SAMSN1: variants seen among roughly 807,000 people sequenced by gnomAD.
SAMSN1 encodes the protein SAM domain, SH3 domain and nuclear localization signals 1, also known as SAM domain-containing protein SAMSN-1.
SAMSN1 carries 31 observed loss-of-function variants against 42.0 expected under a neutral mutation model. That is an observed-to-expected ratio of 0.74 (90% CI 0.55 to 1.00). SAMSN1 has a LOEUF of 1.00. Among genes scored for constraint, SAMSN1 ranks in the 50% least tolerant of loss-of-function variants. The pLI is 0.00. For missense variants in SAMSN1, 464 were observed against 439.4 expected (o/e 1.06, Z -0.50); for synonymous variants, 178 against 151.9 (o/e 1.17, Z -1.26).
intron 2 of SAMSN1, among the ~76,000 whole-genome samples, chr21:14,571,320 C>A (rs1320620676): frequency 6.6e-6 from 1 of 152,080 alleles, no homozygotes; most frequent in Non-Finnish European, 1.5e-5. Flanking sequence ...GTATCTTGTG[C>A]CCTGGATAAA....
At chr21:14,549,090 T>C (rs1408317848), upstream of SAMSN1, among the ~76,000 whole-genome samples, 1 of 152,140 alleles carries the variant, frequency 6.6e-6, no homozygotes, top group Non-Finnish European at 1.5e-5. Context: ...ATGACAAAGA[T>C]TGAGGTGTAT....
At chr21:14,498,628 T>A (rs1338767209) in intron 6 of SAMSN1, 36 bp from the exon 7 acceptor site, 2 of 1,486,108 alleles carry the variant, frequency 1.3e-6, no homozygotes, top group African/African-American at 1.4e-5. Context: ...ATTAGTCAGA[T>A]TCAAATATTT....
chr21:14,575,772 G>C (rs1294993585), intron 2 of SAMSN1, among the ~76,000 whole-genome samples: 1 of 152,170 alleles, frequency 6.6e-6, no homozygotes, highest in Non-Finnish European at 1.5e-5. Context: ...CATCACTAAA[G>C]CACAAAGAAA....
At chr21:14,593,361 T>C (rs1456283858) in intron 7 of SAMSN1, among the ~76,000 whole-genome samples, 1 of 152,122 alleles carries the variant, frequency 6.6e-6, no homozygotes, top group Non-Finnish European at 1.5e-5. Flanking sequence ...GGACTTATAG[T>C]TGTTTCATAT....
intron 5 of SAMSN1, among the ~76,000 whole-genome samples, chr21:14,602,309 G>T (rs534028766): frequency 1.3e-5 from 2 of 151,926 alleles, no homozygotes; most frequent in South Asian, 4.2e-4. Flanking sequence ...ACAAAATAGG[G>T]ATGCCGCTGA....
chr21:14,559,461 G>A (rs962093808), intron 2 of SAMSN1, among the ~76,000 whole-genome samples: 4 of 152,098 alleles, frequency 2.6e-5, no homozygotes, highest in African/African-American at 9.7e-5. Context: ...ACTGACTAAT[G>A]TCTTGACTAG....
intron 2 of SAMSN1, among the ~76,000 whole-genome samples, chr21:14,640,471 A>G (rs1983567774): frequency 1.3e-5 from 2 of 148,708 alleles, no homozygotes; most frequent in South Asian, 4.1e-4. Context: ...CAAATGGAAT[A>G]ATATTTTTTT....
At chr21:14,617,654 T>A (rs1338027668) in intron 2 of SAMSN1, among the ~76,000 whole-genome samples, 1 of 152,202 alleles carries the variant, frequency 6.6e-6, no homozygotes, top group East Asian at 1.9e-4. Context: ...AATGTTGCCG[T>A]CTTCAAAATA....
intron 5 of SAMSN1, among the ~76,000 whole-genome samples, chr21:14,602,612 A>G (rs540877602): frequency 4.5e-4 from 69 of 152,340 alleles, no homozygotes; most frequent in African/African-American, 1.7e-3. Context: ...AAACCTTTTC[A>G]AATGCAGCAG....
At position 14,648,256 on chromosome 21, in the gene SAMSN1, C is replaced by A. The variant is rs78700308; in HGVS notation, c.25-5123G>T. ...ACTGGATCCCTTCCTTACACCTTAT[C>A]CAAAAATCAATTCAAGATGGATTAA... On this transcript the variant is annotated intron_variant, in intron 1 of 15. Coordinates refer to the SAMSN1 transcript ENST00000647101. 1.4e-3 allele frequency among the ~76,000 whole-genome samples: 210 copies of A among 151,562 alleles called. 1 individual carries two copies. Among genetic ancestry groups the A allele is most frequent in the South Asian group, 1.5e-3 (7 of 4,818 alleles).
At chr21:14,607,540 C>T (rs2123315614) in intron 5 of SAMSN1, among the ~76,000 whole-genome samples, 1 of 152,310 alleles carries the variant, frequency 6.6e-6, no homozygotes, top group Non-Finnish European at 1.5e-5. Context: ...CTTGGACACA[C>T]ACATGCACAC....
chr21:14,545,061 G>A (rs567337365), intron 1 of SAMSN1, among the ~76,000 whole-genome samples: 9 of 152,098 alleles, frequency 5.9e-5, no homozygotes, highest in Admixed American at 1.3e-4. Context: ...ATCATGATAC[G>A]TTATCTAGCT....
chr21:14,629,937 T>G (rs1205403756), intron 2 of SAMSN1, among the ~76,000 whole-genome samples: 1 of 152,140 alleles, frequency 6.6e-6, no homozygotes, highest in Non-Finnish European at 1.5e-5. Flanking sequence ...ATTTATAAAA[T>G]TATATTTACA....
Position 14,565,305 on chromosome 21 carries a change from A to T in SAMSN1, c.261+16831T>A, listed in dbSNP as rs186912697. On this transcript the variant is annotated intron_variant, in intron 2 of 8. Coordinates refer to the SAMSN1 transcript ENST00000285670. ...TCTATCCAAAAAAAAAAAAAAAAAC[A>T]TGTTTTGGTTTGTATACCTCACAGA... 2.2e-3 allele frequency among the ~76,000 whole-genome samples: 328 copies of T among 147,338 alleles called. 1 individual carries two copies. Among genetic ancestry groups the T allele is most frequent in the Non-Finnish European group, 3.6e-3 (242 of 66,604 alleles).
chr21:14,526,360 C>G (rs2822736), intron 1 of SAMSN1, among the ~76,000 whole-genome samples: 42,222 of 152,088 alleles, frequency 0.28, 6,903 homozygotes, highest in South Asian at 0.35. Context: ...GCAATCACAT[C>G]GTGCAGTTAA....
At chr21:14,617,265 C>T (rs777804275) in intron 2 of SAMSN1, among the ~76,000 whole-genome samples, 2 of 152,144 alleles carry the variant, frequency 1.3e-5, no homozygotes, top group Non-Finnish European at 2.9e-5. Context: ...TGGACCACTC[C>T]TTCCATTCTC....
At chr21:14,633,154 G>A (rs958319285) in intron 2 of SAMSN1, among the ~76,000 whole-genome samples, 1 of 151,928 alleles carries the variant, frequency 6.6e-6, no homozygotes, top group East Asian at 1.9e-4. Context: ...CAGATATTTA[G>A]TGAAACACCA....
chr21:14,600,732 T>G (rs568376977), intron 6 of SAMSN1, among the ~76,000 whole-genome samples: 1 of 152,290 alleles, frequency 6.6e-6, no homozygotes, highest in African/African-American at 2.4e-5. Flanking sequence ...CCAGCTGTTA[T>G]TTTTCTCCTG....
At chr21:14,577,280 A>ATTTTT (rs1568816249) in intron 2 of SAMSN1, among the ~76,000 whole-genome samples, 2 of 48,416 alleles carry the variant, frequency 4.1e-5, no homozygotes, top group East Asian at 5.4e-4. Context: ...ATATATATAT[A>ATTTTT]TATATTTTTT....
Sources: gnomAD v4.1 joint callset for allele counts (sites outside exome capture counted in the v4.1 genomes callset) on GRCh38, gnomAD v4.1.1 for gene constraint, MANE v1.5 for transcripts, NCBI Gene and HGNC (gene_info 2026-07-23, HGNC 2026-07-21) for gene names.